Variants in EML2 observed in about 807,000 individuals in gnomAD.
EML2 encodes the protein EMAP like 2.
Under a neutral mutation model 84.7 loss-of-function variants are expected in EML2, and 59 were observed. The ratio of observed to expected loss-of-function variants is 0.70; its 90% CI spans 0.56 to 0.86. The LOEUF is 0.86. Among genes scored for constraint, EML2 ranks in the 40% least tolerant of loss-of-function variants. The pLI is 0.00. For missense variants in EML2, 818 were observed against 855.6 expected (o/e 0.96, Z 0.55); for synonymous variants, 352 against 348.9 (o/e 1.01, Z -0.10).
At chr19:45,643,672 C>A (rs560549938), upstream of EML2, 13 of 1,535,970 alleles carry the variant, frequency 8.5e-6, no homozygotes, top group African/African-American at 1.6e-4. Flanking sequence ...GCGTGGAGCT[C>A]GCCCCTGCCA....
In EML2 at chr19:45,621,026, G is replaced by A. The variant is rs936638631; in HGVS notation, c.1122+181C>T. The stretch of plus-strand genomic sequence containing the variant: ...CAGGGGCCTGGGGCCCCTCTGCTGT[G>A]CTTGGAGTTAAACTCTTGGTTGCTG... On this transcript the variant is annotated intron_variant, in intron 11 of 18. Coordinates refer to ENST00000245925, the MANE Select transcript of EML2 (RefSeq NM_012155.4). The A allele has an allele frequency of 2.3e-5, 22 of 952,588 alleles. No individual in the cohort carries two copies. In the African/African-American group the frequency reaches 3.1e-4, roughly 13 times the overall value. The allele number at this position is 952,588 out of a possible 1,614,324, so 59.0% of individuals were successfully genotyped here. A position where few individuals can be genotyped will look rare whatever the true frequency, so the allele number is the denominator to read the frequency against.
intron 3 of EML2, 44 bp from the exon 4 acceptor site, chr19:45,634,515 G>A (rs370253583): frequency 2.1e-4 from 301 of 1,412,830 alleles, no homozygotes; most frequent in Non-Finnish European, 2.7e-4. Context: ...TTTTGTTGTT[G>A]TTGTTTGTTT....
chr19:45,617,386 T>C (rs1971215921), intron 13 of EML2, among the ~76,000 whole-genome samples: 1 of 149,256 alleles, frequency 6.7e-6, no homozygotes, highest in Admixed American at 6.7e-5. Context: ...TGAAACCCCG[T>C]CTCTACTAAA....
chr19:45,632,790 G>A (rs1406385499), intron 6 of EML2, 71 bp downstream of exon 6: 1 of 1,339,260 alleles, frequency 7.5e-7, no homozygotes, highest in Non-Finnish European at 1.0e-6. Flanking sequence ...CAAGGGGCGG[G>A]TGAAAAGGTG....
chr19:45,634,070 A>G (rs1973409448), intron 4 of EML2, among the ~76,000 whole-genome samples: 1 of 152,114 alleles, frequency 6.6e-6, no homozygotes, highest in Non-Finnish European at 1.5e-5. Context: ...CAACCTCCTG[A>G]GTAGCTGGGA....
At chr19:45,631,493 A>G (rs1973024862) in intron 6 of EML2, among the ~76,000 whole-genome samples, 1 of 152,096 alleles carries the variant, frequency 6.6e-6, no homozygotes, top group Non-Finnish European at 1.5e-5. Flanking sequence ...ATCTGAGCTC[A>G]CTGCTACCTC....
At chr19:45,621,665 C>T in intron 9 of EML2, 28 bp from the exon 10 acceptor site, 1 of 1,598,578 alleles carries the variant, frequency 6.3e-7, no homozygotes, top group Non-Finnish European at 8.5e-7. Context: ...GCAGGGTCAA[C>T]AGGGAGAAGC....
At chr19:45,641,495 G>A (rs904094952), upstream of EML2, 5 of 742,382 alleles carry the variant, frequency 6.7e-6, no homozygotes, top group African/African-American at 7.1e-5. Flanking sequence ...CTCAAGATTG[G>A]TCCCTCCAAG....
rs894951444 is a variant in EML2, at chr19:45,609,557, C to T, written c.*106G>A. On this transcript the variant is annotated 3_prime_UTR_variant, in exon 19 of 19. Transcript: ENST00000245925. ...TCAGTCTACCCTCCCGCCCCCATAACCCCCTCTGCTATAGACATACTCTGG... is the reference window on the plus strand; with the variant it reads ...TCAGTCTACCCTCCCGCCCCCATAATCCCCTCTGCTATAGACATACTCTGG... 1.0e-5 allele frequency: 9 copies of T among 865,236 alleles called. No homozygotes were observed. Among genetic ancestry groups the T allele is most frequent in the Non-Finnish European group, 1.2e-5 (8 of 642,222 alleles). 53.6% of individuals were successfully genotyped at this position (865,236 alleles called of 1,614,324 possible).
chr19:45,610,519 G>A (rs1361096627), intron 18 of EML2, among the ~76,000 whole-genome samples: 2 of 151,770 alleles, frequency 1.3e-5, no homozygotes, highest in Admixed American at 6.6e-5. Context: ...CCTGGCCAAC[G>A]TGGTGAAACC....
rs1970516446 is a variant in EML2 at position 45,611,695 on chromosome 19, C to A, written c.1824+1846G>T. Among the ~76,000 whole-genome samples the A allele has an allele frequency of 2.6e-5, 4 of 152,042 alleles. No homozygotes were observed. The South Asian group carries it at 8.3e-4, about 32-fold the overall frequency. On this transcript the variant is annotated intron_variant, in intron 18 of 18. Transcript: ENST00000245925. ...TAAAGACGGGGTTTCACCATGTTGG[C>A]CAGGCTAGTCTCGAACTGTTGACCT...
At chr19:45,644,060 T>C (rs1217653460), upstream of EML2, among the ~76,000 whole-genome samples, 1 of 152,202 alleles carries the variant, frequency 6.6e-6, no homozygotes, top group Non-Finnish European at 1.5e-5. Flanking sequence ...TACCTACCAT[T>C]AATTATACGA....
chr19:45,631,773 A>G (rs917318310), intron 6 of EML2, among the ~76,000 whole-genome samples: 1 of 151,350 alleles, frequency 6.6e-6, no homozygotes, highest in African/African-American at 2.4e-5. Context: ...TGGCATGATC[A>G]CAGTTCACTG....
At chr19:45,645,487 C>T (rs1271502777), upstream of EML2, 2 of 1,407,162 alleles carry the variant, frequency 1.4e-6, no homozygotes, top group African/African-American at 1.5e-5. Context: ...GGCGCCGGGC[C>T]CGGCGCTGGG....
chr19:45,629,094 C>G (rs1972723225), intron 7 of EML2, among the ~76,000 whole-genome samples: 1 of 152,012 alleles, frequency 6.6e-6, no homozygotes, highest in African/African-American at 2.4e-5. Context: ...CACCAAGGCC[C>G]TACGAGGAAG....
intron 1 of EML2, 46 bp downstream of exon 1, chr19:45,639,311 G>T (rs1436773586): frequency 1.5e-6 from 2 of 1,349,272 alleles, no homozygotes; most frequent in South Asian, 4.1e-5. Context: ...TCTAAGCCCC[G>T]GGAGCGCGGA....
At chr19:45,633,952 A>G (rs1973395869) in intron 4 of EML2, among the ~76,000 whole-genome samples, 1 of 152,062 alleles carries the variant, frequency 6.6e-6, no homozygotes, top group Non-Finnish European at 1.5e-5. Flanking sequence ...GCGTGAATTC[A>G]CTGTCTGAAT....
intron 15 of EML2, chr19:45,616,255 C>G: frequency 1.9e-6 from 1 of 517,780 alleles, no homozygotes; most frequent in Non-Finnish European, 3.4e-6. Flanking sequence ...CACAGATGGG[C>G]TTAGCACGTG....
chr19:45,638,480 C>T, intron 3 of EML2, 25 bp downstream of exon 3: 1 of 1,613,678 alleles, frequency 6.2e-7, no homozygotes, highest in Non-Finnish European at 8.5e-7. Flanking sequence ...ATGGGAGCAC[C>T]AAGGAGATTC....
Sources: allele counts gnomAD v4.1 joint callset (sites outside exome capture counted in the v4.1 genomes callset), GRCh38; gene constraint gnomAD v4.1.1; transcripts MANE v1.5; gene names NCBI Gene and HGNC (gene_info 2026-07-23, HGNC 2026-07-21).